FAM227A: variants seen among roughly 807,000 people sequenced by gnomAD.
The protein encoded by FAM227A is family with sequence similarity 227 member A, also known as protein FAM227A.
In FAM227A, 80 loss-of-function variants were observed where a neutral mutation model predicts 74.7. The observed-to-expected ratio is 1.07, with a 90% CI of 0.89 to 1.29. FAM227A has a LOEUF of 1.29. Ranked by LOEUF, FAM227A falls within the 50% of genes most tolerant of loss-of-function variation. FAM227A has a pLI of 0.00. For missense variants in FAM227A, 654 were observed against 683.4 expected, an observed-to-expected ratio of 0.96 and a Z score of 0.48; for synonymous variants, 237 against 241.8, an observed-to-expected ratio of 0.98 and a Z score of 0.19.
At chr22:38,623,120 G>A in intron 10 of FAM227A, 52 bp downstream of exon 10, 5 of 1,231,878 alleles carry the variant, frequency 4.1e-6, no homozygotes, top group Non-Finnish European at 5.8e-6. Context: ...GTTAGATAGT[G>A]GTTGAGTATG....
At chr22:38,626,047 C>A in intron 9 of FAM227A, 133 bp downstream of exon 9, 1 of 919,382 alleles carries the variant, frequency 1.1e-6, no homozygotes, top group Non-Finnish European at 1.6e-6. Context: ...ACTTTGCTCT[C>A]TTTAATGTTA....
At chr22:38,599,429 TCAA>T (rs924957752) in intron 14 of FAM227A, among the ~76,000 whole-genome samples, 8 of 152,094 alleles carry the variant, frequency 5.3e-5, no homozygotes, top group Admixed American at 3.9e-4. Context: ...TACTCTGGGG[TCAA>T]CGAGTGTCTG....
Position 38,623,222 on chromosome 22 carries a change from T to C in FAM227A, c.908A>G (p.Glu303Gly). 1 of 1,551,680 alleles carries C rather than the reference T, an allele frequency of 6.4e-7. No homozygotes were observed. Among genetic ancestry groups the C allele is most frequent in the East Asian group, 2.4e-5 (1 of 40,916 alleles). Residue 303 changes from glutamate (E) to glycine (G), a missense_variant, in exon 10 of 17, where the codon GAG becomes GGG. Transcript: ENST00000535113. The part of the protein sequence containing the change: ...DSWDYSELDP[E>G]RFRREELMLY... ...CATTAATTCTTCTCTGCGGAATCGC[T>C]CTGGGTCTAGTTCCGAGTAGTCCCA...
intron 11 of FAM227A, among the ~76,000 whole-genome samples, chr22:38,616,444 C>T (rs961945056): frequency 6.6e-6 from 1 of 152,064 alleles, no homozygotes; most frequent in Non-Finnish European, 1.5e-5. Flanking sequence ...AGGTGGATTG[C>T]CTGAGATCAG....
intron 1 of FAM227A, 95 bp from the exon 2 acceptor site, chr22:38,650,357 A>G: frequency 1.7e-6 from 1 of 593,416 alleles, no homozygotes. Flanking sequence ...GGCAAAGCAC[A>G]TGTCCCATGC....
intron 14 of FAM227A, among the ~76,000 whole-genome samples, chr22:38,598,042 CAAAAAA>C (rs59018974): frequency 1.2e-5 from 1 of 83,816 alleles, no homozygotes; most frequent in Non-Finnish European, 2.3e-5. Context: ...GACTCTGTCT[CAAAAAA>C]AAAAAAAAAA....
intron 15 of FAM227A, among the ~76,000 whole-genome samples, chr22:38,595,972 G>T (rs2413538): frequency 2.2e-4 from 1 of 4,470 alleles, no homozygotes; most frequent in African/African-American, 4.1e-4. Flanking sequence ...AACTAATAAG[G>T]GGGGGGGGGC....
At chr22:38,645,794 C>T in intron 2 of FAM227A, 149 bp from the exon 3 acceptor site, 1 of 596,706 alleles carries the variant, frequency 1.7e-6, no homozygotes, top group Non-Finnish European at 2.9e-6. Flanking sequence ...TTTCTTTCTT[C>T]CTTTTTTCTG....
chr22:38,607,330 G>A (rs1416547850), intron 12 of FAM227A, 59 bp downstream of exon 12: 3 of 1,320,982 alleles, frequency 2.3e-6, no homozygotes, highest in Non-Finnish European at 3.2e-6. Flanking sequence ...AGAAACCAGG[G>A]TTTTGGAGAC....
At chr22:38,632,432 T>C (rs527736302) in intron 6 of FAM227A, among the ~76,000 whole-genome samples, 2 of 152,078 alleles carry the variant, frequency 1.3e-5, no homozygotes, top group Admixed American at 6.6e-5. Flanking sequence ...TTTCGCCCCC[T>C]CTCTTCCATC....
chr22:38,610,578 C>T (rs1316481210), intron 11 of FAM227A, among the ~76,000 whole-genome samples: 1 of 152,098 alleles, frequency 6.6e-6, no homozygotes, highest in Non-Finnish European at 1.5e-5. Flanking sequence ...TAATGACCCA[C>T]CTTGCAGGGC....
chr22:38,585,046 C>G lies in FAM227A; in HGVS notation c.*1079G>C, dbSNP rs1002063649. The G allele has an allele frequency of 3.3e-5, 5 of 152,104 alleles. No homozygotes were observed. The highest frequency in any genetic ancestry group is 9.7e-5 in the African/African-American group (4 of 41,420). 9.4% of individuals were successfully genotyped at this position (152,104 alleles called of 1,614,324 possible). A position where few individuals can be genotyped will look rare whatever the true frequency, so the allele number is the denominator to read the frequency against. The stretch of plus-strand genomic sequence containing the variant: ...TCCTGACCTCGTGATCTGCCCACTT[C>G]AGCCTCCCAAAGTGCTGGGATTACA... On this transcript the variant is annotated 3_prime_UTR_variant, in exon 17 of 17. Coordinates refer to ENST00000535113, the MANE Select transcript of FAM227A (RefSeq NM_001013647.2).
chr22:38,614,939 C>A (rs2091544311), intron 11 of FAM227A, among the ~76,000 whole-genome samples: 1 of 152,176 alleles, frequency 6.6e-6, no homozygotes, highest in Non-Finnish European at 1.5e-5. Flanking sequence ...CAGTCATATG[C>A]TAAGCACAGG....
At chr22:38,612,128 G>A (rs1054387063) in intron 11 of FAM227A, among the ~76,000 whole-genome samples, 18 of 151,972 alleles carry the variant, frequency 1.2e-4, no homozygotes, top group African/African-American at 2.9e-4. Flanking sequence ...AGACAAATAC[G>A]GAAGCCTCCC....
chr22:38,599,799 C>T lies in FAM227A; in HGVS notation c.1344G>A (p.Val448=). The change falls in exon 14 of 17, where the codon GTG becomes GTA. Residue 448 remains valine, a synonymous_variant. Coordinates refer to ENST00000535113, the MANE Select transcript of FAM227A (RefSeq NM_001013647.2). ...YASLQQHGKN[V]LIVRREKTTS... ...TGGTCTTTTCCCTTCTGACTATCAA[C>T]ACATTCTTGCCGTGCTGCTGCAGAC... 1.3e-6 allele frequency: 2 copies of T among 1,551,432 alleles called. No individual in the cohort carries two copies. Among genetic ancestry groups the T allele is most frequent in the Non-Finnish European group, 1.7e-6 (2 of 1,146,856 alleles).
intron 16 of FAM227A, among the ~76,000 whole-genome samples, chr22:38,587,951 A>T (rs1727087432): frequency 6.6e-6 from 1 of 152,236 alleles, no homozygotes; most frequent in South Asian, 2.1e-4. Flanking sequence ...ATGAAGGGAA[A>T]ACCCTACATA....
intron 3 of FAM227A, among the ~76,000 whole-genome samples, chr22:38,644,939 A>C (rs1167885980): frequency 6.6e-6 from 1 of 152,022 alleles, no homozygotes; most frequent in African/African-American, 2.4e-5. Context: ...AATACAAAAA[A>C]TTAGCCGGGT....
chr22:38,633,593 G>C (rs1284960057), intron 6 of FAM227A, among the ~76,000 whole-genome samples: 1 of 152,178 alleles, frequency 6.6e-6, no homozygotes, highest in South Asian at 2.1e-4. Context: ...CCAGACTGGA[G>C]TGCAGTAGTG....
At chr22:38,600,280 A>G (rs2091142883) in intron 13 of FAM227A, among the ~76,000 whole-genome samples, 1 of 151,228 alleles carries the variant, frequency 6.6e-6, no homozygotes, top group African/African-American at 2.4e-5. Flanking sequence ...AAAGTTTGAT[A>G]GTGTTTTTTA....
Sources: gnomAD v4.1 joint callset for allele counts (sites outside exome capture counted in the v4.1 genomes callset) on GRCh38, gnomAD v4.1.1 for gene constraint, MANE v1.5 for transcripts, NCBI Gene and HGNC (gene_info 2026-07-23, HGNC 2026-07-21) for gene names.